SEC63: variants seen among roughly 807,000 people sequenced by gnomAD.
The protein encoded by SEC63 is SEC63 protein translocation regulator, also known as translocation protein SEC63 homolog.
In SEC63, 56 loss-of-function variants were observed where a neutral mutation model predicts 116.2. That is an observed-to-expected ratio of 0.48 (90% CI 0.39 to 0.60). The LOEUF (loss-of-function observed/expected upper bound fraction) is 0.60. Among genes scored for constraint, SEC63 ranks in the 20% least tolerant of loss-of-function variants. SEC63 has a pLI of 0.00. For missense variants in SEC63, 668 were observed against 900.0 expected (o/e 0.74, Z 3.30); for synonymous variants, 273 against 294.6 (o/e 0.93, Z 0.75).
intron 18 of SEC63, chr6:107,877,384 G>A (rs1283336513): frequency 6.6e-6 from 1 of 152,038 alleles, no homozygotes; most frequent in South Asian, 2.1e-4. Context: ...TCAATTGTCC[G>A]AAATGGTTAA....
intron 2 of SEC63, 94 bp from the exon 3 acceptor site, chr6:107,925,026 G>C: frequency 1.3e-6 from 1 of 757,856 alleles, no homozygotes; most frequent in Non-Finnish European, 2.4e-6. Context: ...CTCTACAGTA[G>C]TACCATATCA....
At chr6:107,927,443 C>T (rs552108311) in intron 2 of SEC63, among the ~76,000 whole-genome samples, 1 of 152,158 alleles carries the variant, frequency 6.6e-6, no homozygotes, top group Non-Finnish European at 1.5e-5. Context: ...GAAGCATTAC[C>T]CAATTGTTTA....
chr6:107,902,875 T>A lies in SEC63; in HGVS notation c.1178A>T (p.Asp393Val), dbSNP rs200071267. 6.8e-6 allele frequency: 11 copies of A among 1,614,004 alleles called. No homozygotes were observed. The highest frequency in any genetic ancestry group is 1.6e-4 in the Middle Eastern group (1 of 6,062). ...PLLQLPHIEE[D>V]NLRRVSNHKK... Reference sequence around the variant, plus strand: ...ATGATTAGAAACCCGTCTAAGATTGTCCTCTTCAATATGAGGGAGCTGCAG... The same window carrying A: ...ATGATTAGAAACCCGTCTAAGATTGACCTCTTCAATATGAGGGAGCTGCAG... The change falls in exon 12 of 21, where the codon GAC becomes GTC. Residue 393 changes from aspartate (D) to valine (V), a missense_variant. Transcript: ENST00000369002.
chr6:107,909,426 G>A (rs1472295216), intron 7 of SEC63, among the ~76,000 whole-genome samples: 1 of 150,740 alleles, frequency 6.6e-6, no homozygotes, highest in African/African-American at 2.4e-5. Flanking sequence ...TAAGTTTGAG[G>A]CAGAATATGT....
At chr6:107,885,682 A>C (rs566230902) in intron 16 of SEC63, among the ~76,000 whole-genome samples, 190 of 152,342 alleles carry the variant, frequency 1.2e-3, no homozygotes, top group African/African-American at 4.4e-3. Flanking sequence ...TAAAGGAATT[A>C]AAACAGTTAA....
At position 107,885,306 on chromosome 6, in the gene SEC63, C is replaced by T. The variant is rs145307837; in HGVS notation, c.1675-2160G>A. ...GTCTACAAATGGTTAGAATTATTGC[C>T]AATAAGACTCTTTGATACAAGGTCA... is the stretch of plus-strand genomic sequence containing the variant. On this transcript the variant is annotated intron_variant, in intron 16 of 20. Transcript: ENST00000369002. Among the ~76,000 whole-genome samples the T allele has an allele frequency of 3.6e-3, 544 of 152,202 alleles. 11 individuals carry two copies. Among genetic ancestry groups the T allele is most frequent in the Admixed American group, 0.033 (499 of 15,280 alleles).
rs1425220503 is a variant in SEC63 at position 107,883,084 on chromosome 6, T to C, written c.1737A>G (p.Glu579=). 6.2e-7 allele frequency: 1 copy of C among 1,613,198 alleles called. No homozygotes were observed. Among genetic ancestry groups the C allele is most frequent in the East Asian group, 2.2e-5 (1 of 44,778 alleles). ...VSDKGSDSEE[E]ETNRDSQSEK... ...CACTTTGGGAATCTCTATTGGTTTC[T>C]TCTTCTTCAGAATCACTGCCCTTAT... The change falls in exon 17 of 21, where the codon GAA becomes GAG. Residue 579 remains glutamate, a synonymous_variant. Transcript: ENST00000369002.
At chr6:107,935,197 G>A (rs571075723) in intron 1 of SEC63, among the ~76,000 whole-genome samples, 22 of 149,672 alleles carry the variant, frequency 1.5e-4, no homozygotes, top group Admixed American at 8.6e-4. Context: ...CCGGCCAGCC[G>A]CCCGTCTGGG....
At chr6:107,935,908 G>A (rs1770236363) in intron 1 of SEC63, among the ~76,000 whole-genome samples, 1 of 152,226 alleles carries the variant, frequency 6.6e-6, no homozygotes, top group Non-Finnish European at 1.5e-5. Flanking sequence ...CCCAAATGGA[G>A]TCAGACGATG....
chr6:107,940,788 T>A (rs1770359297), intron 1 of SEC63, among the ~76,000 whole-genome samples: 1 of 75,660 alleles, frequency 1.3e-5, no homozygotes, highest in Admixed American at 1.8e-4. Context: ...CTTAAAAGTA[T>A]TCTTAAAAAA....
chr6:107,876,405 G>A (rs1435300753), intron 19 of SEC63, among the ~76,000 whole-genome samples, 159 bp downstream of exon 19: 1 of 151,966 alleles, frequency 6.6e-6, no homozygotes, highest in Non-Finnish European at 1.5e-5. Flanking sequence ...AATTTCCAAT[G>A]AGCTCACCCC....
intron 2 of SEC63, among the ~76,000 whole-genome samples, chr6:107,925,721 C>T (rs1024921905): frequency 5.3e-5 from 8 of 152,190 alleles, no homozygotes; most frequent in African/African-American, 1.9e-4. Context: ...TAAAGAAATA[C>T]ATACCGTTTT....
chr6:107,905,158 T>C (rs999674746), intron 10 of SEC63, among the ~76,000 whole-genome samples: 4 of 152,232 alleles, frequency 2.6e-5, no homozygotes, highest in African/African-American at 4.8e-5. Context: ...CTGCATATAA[T>C]AGTTAACTAT....
intron 5 of SEC63, 99 bp downstream of exon 5, chr6:107,913,267 A>AT (rs1472857607): frequency 1.2e-6 from 1 of 855,480 alleles, no homozygotes; most frequent in Non-Finnish European, 2.0e-6. Context: ...CCATGTGAGT[A>AT]TAAGTTTAGT....
Position 107,870,295 on chromosome 6 carries a change from A to C in SEC63, c.*1409T>G, listed in dbSNP as rs921606827. Reference sequence around the variant, plus strand: ...AATATTACATCTTAAATTTAGAACCAAAAAAACCATTCATGGTTTTGCTAA... The same window carrying C: ...AATATTACATCTTAAATTTAGAACCCAAAAAACCATTCATGGTTTTGCTAA... On this transcript the variant is annotated 3_prime_UTR_variant, in exon 21 of 21. Transcript: ENST00000369002. The C allele has an allele frequency of 1.3e-5, 2 of 152,582 alleles. No individual in the cohort carries two copies. Among genetic ancestry groups the C allele is most frequent in the Non-Finnish European group, 2.9e-5 (2 of 68,018 alleles). The allele number at this position is 152,582 out of a possible 1,614,324, so 9.5% of individuals were successfully genotyped here.
intron 20 of SEC63, 97 bp downstream of exon 20, chr6:107,872,711 C>T: frequency 1.3e-6 from 1 of 761,844 alleles, no homozygotes. Context: ...CTTCTTTTTC[C>T]TTCCATAACT....
chr6:107,904,857 G>C, intron 10 of SEC63, 136 bp from the exon 11 acceptor site: 1 of 747,104 alleles, frequency 1.3e-6, no homozygotes, highest in Non-Finnish European at 2.3e-6. Context: ...CAGATTGAAT[G>C]GAAGAGTTTC....
chr6:107,918,001 G>A (rs775178221), intron 4 of SEC63, among the ~76,000 whole-genome samples: 14 of 152,190 alleles, frequency 9.2e-5, no homozygotes, highest in Non-Finnish European at 1.9e-4. Flanking sequence ...CACTGCTGGA[G>A]AGAAATAAAT....
chr6:107,893,364 T>A, intron 16 of SEC63, 118 bp downstream of exon 16: 1 of 940,086 alleles, frequency 1.1e-6, no homozygotes, highest in South Asian at 1.4e-5. Flanking sequence ...GGGAGCTTTC[T>A]AGGGTATCAC....
Sources: allele counts gnomAD v4.1 joint callset (sites outside exome capture counted in the v4.1 genomes callset), GRCh38; gene constraint gnomAD v4.1.1; transcripts MANE v1.5; gene names NCBI Gene and HGNC (gene_info 2026-07-23, HGNC 2026-07-21).